The following PLCB1 variants were observed in gnomAD, a reference collection of about 807,000 sequenced individuals.
PLCB1 encodes 1-phosphatidylinositol 4,5-bisphosphate phosphodiesterase beta-1.
PLCB1 carries 46 observed loss-of-function variants against 161.8 expected under a neutral mutation model. The observed-to-expected ratio is 0.28, with a 90% CI of 0.22 to 0.36. The LOEUF is 0.36. PLCB1 is among the 10% of genes least tolerant of loss of function. PLCB1 has a pLI of 1.00. For missense variants in PLCB1, 1,016 were observed against 1,472.5 expected (o/e 0.69, Z 5.07); for synonymous variants, 517 against 503.7 (o/e 1.03, Z -0.35).
At chr20:8,638,041 A>T (rs915842150) in intron 4 of PLCB1, among the ~76,000 whole-genome samples, 3 of 152,002 alleles carry the variant, frequency 2.0e-5, no homozygotes, top group African/African-American at 7.2e-5. Flanking sequence ...GACTACAGGC[A>T]CCCGCCACCA....
chr20:8,368,557 GAA>G (rs1165415471), intron 2 of PLCB1, among the ~76,000 whole-genome samples: 4 of 140,550 alleles, frequency 2.8e-5, no homozygotes, highest in Non-Finnish European at 4.7e-5. Context: ...AAAAGAAAAA[GAA>G]AAAATAAAAG....
At chr20:8,645,421 G>A (rs932450107) in intron 4 of PLCB1, among the ~76,000 whole-genome samples, 1 of 152,282 alleles carries the variant, frequency 6.6e-6, no homozygotes, top group African/African-American at 2.4e-5. Context: ...AATTTTGTAG[G>A]GGTTTCAGCC....
intron 2 of PLCB1, among the ~76,000 whole-genome samples, chr20:8,212,730 A>G (rs1978895129): frequency 6.6e-6 from 1 of 152,094 alleles, no homozygotes; most frequent in South Asian, 2.1e-4. Context: ...TGAGTATGCC[A>G]TTATTTATTT....
chr20:8,603,698 T>C (rs1398752171), intron 3 of PLCB1, among the ~76,000 whole-genome samples: 1 of 152,210 alleles, frequency 6.6e-6, no homozygotes, highest in Non-Finnish European at 1.5e-5. Flanking sequence ...TCCAGGTAAT[T>C]CTGATGCACA....
At chr20:8,470,468 A>G (rs1982003507) in intron 3 of PLCB1, among the ~76,000 whole-genome samples, 1 of 152,132 alleles carries the variant, frequency 6.6e-6, no homozygotes, top group Non-Finnish European at 1.5e-5. Context: ...GTGAAATGGT[A>G]TCTTGTTGTG....
intron 3 of PLCB1, among the ~76,000 whole-genome samples, chr20:8,557,360 C>T (rs1985998271): frequency 6.6e-6 from 1 of 152,022 alleles, no homozygotes. Flanking sequence ...GAATATGATT[C>T]AGCCTTCAAA....
At chr20:8,153,283 T>C (rs2051527958) in intron 2 of PLCB1, among the ~76,000 whole-genome samples, 2 of 152,204 alleles carry the variant, frequency 1.3e-5, no homozygotes, top group Admixed American at 6.5e-5. Flanking sequence ...TTCTTTTCAC[T>C]GTATTGTTGG....
intron 3 of PLCB1, among the ~76,000 whole-genome samples, chr20:8,558,739 A>G: frequency 6.6e-6 from 1 of 151,958 alleles, no homozygotes; most frequent in Non-Finnish European, 1.5e-5. Context: ...TTAATAACTG[A>G]TTTCTTATCA....
intron 3 of PLCB1, among the ~76,000 whole-genome samples, chr20:8,412,218 T>G (rs1301393090): frequency 6.6e-6 from 1 of 152,182 alleles, no homozygotes; most frequent in Non-Finnish European, 1.5e-5. Context: ...ATGCATTTAT[T>G]TTATTGTTCA....
intron 2 of PLCB1, among the ~76,000 whole-genome samples, chr20:8,273,774 C>A (rs1215661070): frequency 6.6e-6 from 1 of 152,038 alleles, no homozygotes; most frequent in Non-Finnish European, 1.5e-5. Flanking sequence ...TTTTAAAAAC[C>A]GGAGTGAGCA....
chr20:8,375,015 C>T (rs1987027175), intron 3 of PLCB1, among the ~76,000 whole-genome samples: 1 of 152,102 alleles, frequency 6.6e-6, no homozygotes, highest in Admixed American at 6.6e-5. Flanking sequence ...ATGTGTTACC[C>T]TGTTTATGAA....
intron 2 of PLCB1, among the ~76,000 whole-genome samples, chr20:8,164,423 C>A (rs952223319): frequency 3.3e-5 from 5 of 152,186 alleles, no homozygotes; most frequent in Non-Finnish European, 7.3e-5. Context: ...TCACTGTTTA[C>A]AGTTAAGTTT....
chr20:8,790,818 A>G (rs1361992062), intron 31 of PLCB1, among the ~76,000 whole-genome samples: 2 of 152,192 alleles, frequency 1.3e-5, no homozygotes, highest in East Asian at 1.9e-4. Context: ...TGTCTTATGA[A>G]TATTAACTTT....
At chr20:8,371,284 C>A in intron 2 of PLCB1, 98 bp from the exon 3 acceptor site, 1 of 725,700 alleles carries the variant, frequency 1.4e-6, no homozygotes, top group South Asian at 1.8e-5. Flanking sequence ...AGTCTTCAGT[C>A]AAGTCTCAAG....
intron 3 of PLCB1, among the ~76,000 whole-genome samples, chr20:8,425,980 T>G (rs949548697): frequency 2.2e-4 from 34 of 152,204 alleles, no homozygotes; most frequent in Non-Finnish European, 4.1e-4. Flanking sequence ...TGGGGAAACC[T>G]GCTTAAGCTC....
At chr20:8,242,927 T>C (rs1980694682) in intron 2 of PLCB1, among the ~76,000 whole-genome samples, 1 of 151,928 alleles carries the variant, frequency 6.6e-6, no homozygotes, top group Non-Finnish European at 1.5e-5. Flanking sequence ...GTGAATTGGA[T>C]AAGATATGAA....
intron 3 of PLCB1, among the ~76,000 whole-genome samples, chr20:8,400,373 C>T (rs1978497250): frequency 6.6e-6 from 1 of 152,084 alleles, no homozygotes; most frequent in Admixed American, 6.6e-5. Flanking sequence ...CCATTTATGA[C>T]CTTTGGGAAA....
chr20:8,330,571 T>C (rs1040890504), intron 2 of PLCB1, among the ~76,000 whole-genome samples: 4 of 152,226 alleles, frequency 2.6e-5, no homozygotes, highest in Non-Finnish European at 5.9e-5. Context: ...TCTCAGTTCT[T>C]AATTCTGATG....
At chr20:8,181,191 G>A (rs1353532186) in intron 2 of PLCB1, among the ~76,000 whole-genome samples, 2 of 146,080 alleles carry the variant, frequency 1.4e-5, no homozygotes, top group African/African-American at 5.1e-5. Context: ...GGAGGTTGCA[G>A]TGAGCCGAGA....
Sources: gnomAD v4.1 joint callset for allele counts (sites outside exome capture counted in the v4.1 genomes callset) on GRCh38, gnomAD v4.1.1 for gene constraint, MANE v1.5 for transcripts, NCBI Gene and HGNC (gene_info 2026-07-23, HGNC 2026-07-21) for gene names.